XKR4: variants seen among roughly 807,000 people sequenced by gnomAD.
XKR4 encodes the protein XK related 4.
In XKR4, 12 loss-of-function variants were observed where a neutral mutation model predicts 53.9. That is an observed-to-expected ratio of 0.22 (90% CI 0.14 to 0.36). The LOEUF (loss-of-function observed/expected upper bound fraction) is 0.36, where lower values mean the gene tolerates loss of function less well. XKR4 is among the 10% of genes least tolerant of loss of function. The pLI is 1.00. For missense variants in XKR4, 799 were observed against 859.5 expected (o/e 0.93, Z 0.88); for synonymous variants, 354 against 362.4 (o/e 0.98, Z 0.26).
intron 2 of XKR4, among the ~76,000 whole-genome samples, chr8:55,463,112 A>G (rs369974634): frequency 1.3e-5 from 2 of 152,128 alleles, no homozygotes; most frequent in Non-Finnish European, 2.9e-5. Flanking sequence ...ACTCAGCTCT[A>G]CACCAAGCAG....
chr8:55,290,771 T>A lies in XKR4; in HGVS notation c.807-66907T>A, dbSNP rs76642616. Among the ~76,000 whole-genome samples the A allele has an allele frequency of 3.7e-3, 558 of 152,338 alleles. 5 individuals carry two copies. Among genetic ancestry groups the A allele is most frequent in the African/African-American group, 0.012 (505 of 41,580 alleles). The stretch of plus-strand genomic sequence containing the variant: ...ACCATTGAGTAAGAAAATTTATATA[T>A]TCTAGATACTATTCCTTTGTAAAAT... On this transcript the variant is annotated intron_variant, in intron 1 of 2. Transcript: ENST00000327381.
At chr8:55,190,017 C>T (rs562872577) in intron 1 of XKR4, among the ~76,000 whole-genome samples, 24 of 152,304 alleles carry the variant, frequency 1.6e-4, no homozygotes, top group Non-Finnish European at 2.8e-4. Context: ...CTCACTTGCC[C>T]GGAGACAAAC....
chr8:55,298,635 C>G (rs756201494), intron 1 of XKR4, among the ~76,000 whole-genome samples: 7 of 152,128 alleles, frequency 4.6e-5, no homozygotes, highest in Admixed American at 1.3e-4. Context: ...CCACCAGGCC[C>G]CATCTCCAAC....
chr8:55,376,484 G>A (rs1040097062), intron 2 of XKR4, among the ~76,000 whole-genome samples: 1 of 152,140 alleles, frequency 6.6e-6, no homozygotes, highest in African/African-American at 2.4e-5. Context: ...GATCAGTGAT[G>A]TTGAGCTTTT....
chr8:55,246,023 A>G (rs929882268), intron 1 of XKR4, among the ~76,000 whole-genome samples: 7 of 152,164 alleles, frequency 4.6e-5, no homozygotes, highest in Admixed American at 3.3e-4. Flanking sequence ...AACCGCTTGA[A>G]CCCAGGAGGC....
chr8:55,389,248 A>G (rs757955860), intron 2 of XKR4, among the ~76,000 whole-genome samples: 2 of 152,206 alleles, frequency 1.3e-5, no homozygotes, highest in Non-Finnish European at 1.5e-5. Flanking sequence ...ACTGTGAGAC[A>G]ATAAATTTCT....
intron 1 of XKR4, among the ~76,000 whole-genome samples, chr8:55,250,678 T>A (rs959852397): frequency 1.3e-5 from 2 of 152,232 alleles, no homozygotes; most frequent in African/African-American, 4.8e-5. Flanking sequence ...CTTTCTAATA[T>A]CTAAGACATT....
intron 1 of XKR4, among the ~76,000 whole-genome samples, chr8:55,328,624 T>C (rs1803329560): frequency 1.3e-5 from 2 of 152,314 alleles, no homozygotes; most frequent in Middle Eastern, 3.4e-3. Context: ...TGGGTTCACA[T>C]TGCACAGAGA....
intron 1 of XKR4, among the ~76,000 whole-genome samples, chr8:55,222,348 C>T (rs1312702423): frequency 1.3e-5 from 2 of 152,198 alleles, no homozygotes; most frequent in African/African-American, 2.4e-5. Flanking sequence ...ACACTGGCCA[C>T]AGCTCACTGA....
chr8:55,293,985 T>A (rs1819065337), intron 1 of XKR4, among the ~76,000 whole-genome samples: 1 of 152,214 alleles, frequency 6.6e-6, no homozygotes, highest in African/African-American at 2.4e-5. Context: ...TTTGATATCT[T>A]GAAACATTAA....
At chr8:55,325,098 A>G (rs1332441510) in intron 1 of XKR4, among the ~76,000 whole-genome samples, 6 of 152,182 alleles carry the variant, frequency 3.9e-5, no homozygotes, top group Non-Finnish European at 8.8e-5. Context: ...TATGTGCCAC[A>G]AAGTAGATGT....
intron 1 of XKR4, among the ~76,000 whole-genome samples, chr8:55,238,574 G>A (rs1444212017): frequency 6.6e-6 from 1 of 152,140 alleles, no homozygotes; most frequent in Non-Finnish European, 1.5e-5. Context: ...CTGATCTGGA[G>A]TTACACATAC....
At chr8:55,360,809 C>T (rs941865064) in intron 2 of XKR4, among the ~76,000 whole-genome samples, 3 of 152,208 alleles carry the variant, frequency 2.0e-5, no homozygotes, top group South Asian at 2.1e-4. Flanking sequence ...GTATTCTCTT[C>T]GTGGAAGCTG....
chr8:55,358,445 A>G (rs1222329018), intron 2 of XKR4, among the ~76,000 whole-genome samples: 1 of 152,230 alleles, frequency 6.6e-6, no homozygotes, highest in African/African-American at 2.4e-5. Flanking sequence ...TTTATATACT[A>G]TGAAGTTTTA....
chr8:55,453,139 C>T (rs1211181354), intron 2 of XKR4: 1 of 525,896 alleles, frequency 1.9e-6, no homozygotes, highest in Non-Finnish European at 3.8e-6. Context: ...CACGGCCTCC[C>T]AGAACTGTGG....
chr8:55,504,504 C>A (rs1415268667), intron 2 of XKR4, among the ~76,000 whole-genome samples: 1 of 152,044 alleles, frequency 6.6e-6, no homozygotes, highest in Non-Finnish European at 1.5e-5. Context: ...CGTGAGCCAC[C>A]GTTCCCAGCT....
At chr8:55,125,454 A>G (rs1816451789) in intron 1 of XKR4, among the ~76,000 whole-genome samples, 2 of 152,140 alleles carry the variant, frequency 1.3e-5, no homozygotes, top group Admixed American at 6.5e-5. Context: ...GGCTGGTCTC[A>G]AACTCCCGAC....
At position 55,102,933 on chromosome 8, in the gene XKR4, CTCT is replaced by C; in HGVS notation, c.451_453del (p.Phe151del). ...CCAGCGCTGGTGGTTCGGGCTCACG[CTCT>C]TCTTCGTGGTGCTCGGCTCTCTGTC... On this transcript the variant is annotated inframe_deletion, in exon 1 of 3. Transcript: ENST00000327381. The surrounding 1 kb of genome is among the most constrained non-coding windows in gnomAD (Gnocchi z 5.1). 3 of 1,611,746 alleles carry C rather than the reference CTCT, an allele frequency of 1.9e-6. No individual in the cohort carries two copies. The highest frequency in any genetic ancestry group is 1.1e-5 in the South Asian group (1 of 91,058).
At chr8:55,489,229 A>G (rs948199199) in intron 2 of XKR4, among the ~76,000 whole-genome samples, 7 of 152,196 alleles carry the variant, frequency 4.6e-5, no homozygotes, top group Admixed American at 1.3e-4. Context: ...CAAGATGTTA[A>G]TAATAAGGGA....
Sources: gnomAD v4.1 joint callset for allele counts (sites outside exome capture counted in the v4.1 genomes callset) on GRCh38, gnomAD v4.1.1 for gene constraint, Gnocchi (gnomAD v3.1) non-coding constraint, MANE v1.5 for transcripts, NCBI Gene and HGNC (gene_info 2026-07-23, HGNC 2026-07-21) for gene names.